VPS13B: variants seen among roughly 807,000 people sequenced by gnomAD.
The protein encoded by VPS13B is vacuolar protein sorting 13 homolog B, also known as intermembrane lipid transfer protein VPS13B.
In VPS13B, 285 loss-of-function variants were observed where a neutral mutation model predicts 426.4. The observed-to-expected ratio is 0.67, with a 90% CI of 0.61 to 0.74. The LOEUF (loss-of-function observed/expected upper bound fraction) is 0.74, where lower values mean the gene tolerates loss of function less well. Among genes scored for constraint, VPS13B ranks in the 30% least tolerant of loss-of-function variants. The probability of loss-of-function intolerance (pLI) is 0.00; values close to 1 mark genes in which losing one functional copy is unlikely to be tolerated. For synonymous variants in VPS13B, 1,676 were observed against 1,676.4 expected, an observed-to-expected ratio of 1.00 and a Z score of 0.01; for missense variants, 4,537 against 4,782.6, an observed-to-expected ratio of 0.95 and a Z score of 1.51.
chr8:99,806,845 A>T lies in VPS13B; in HGVS notation c.7942-2530A>T, dbSNP rs891734026. ...TCTCACGTTAGCTAGGTGTCTGTGC[A>T]TATCTGAGCACTCACTGCCATCCAG... is the stretch of plus-strand genomic sequence containing the variant. On this transcript the variant is annotated intron_variant, in intron 43 of 61. Transcript: ENST00000357162. Among the ~76,000 whole-genome samples, 3 of 152,218 alleles carry T rather than the reference A, an allele frequency of 2.0e-5. No individual in the cohort carries two copies. The East Asian group carries it at 5.8e-4, about 29-fold the overall frequency.
chr8:99,155,042 G>A (rs1420846858), intron 14 of VPS13B, among the ~76,000 whole-genome samples: 1 of 151,792 alleles, frequency 6.6e-6, no homozygotes, highest in African/African-American at 2.4e-5. Flanking sequence ...AGACAAAAAG[G>A]TGGAAGATTT....
At position 99,721,217 on chromosome 8, in the gene VPS13B, A is replaced by T. The variant is rs1018677448; in HGVS notation, c.7050+170A>T. ...CCACACACATATATAATGGGATTTT[A>T]AAAAATAAGGTAATAATGTAATCCA... On this transcript the variant is annotated intron_variant, in intron 39 of 61. Transcript: ENST00000357162. 4.6e-5 allele frequency among the ~76,000 whole-genome samples: 7 copies of T among 152,308 alleles called. No homozygotes were observed. The East Asian group carries it at 5.8e-4, about 13-fold the overall frequency.
chr8:99,471,749 C>CT (rs1386795007), intron 24 of VPS13B, among the ~76,000 whole-genome samples: 3 of 152,036 alleles, frequency 2.0e-5, no homozygotes, highest in Non-Finnish European at 4.4e-5. Context: ...GCCCACACTC[C>CT]TTTTTTACAT....
chr8:99,234,009 C>T (rs1489323382), intron 17 of VPS13B: 2 of 774,990 alleles, frequency 2.6e-6, no homozygotes, highest in East Asian at 2.4e-5. Flanking sequence ...ATGGTCAAGC[C>T]CTCCTTTCAG....
chr8:99,156,926 A>G (rs1705969640), intron 15 of VPS13B, among the ~76,000 whole-genome samples, 183 bp downstream of exon 15: 1 of 152,228 alleles, frequency 6.6e-6, no homozygotes, highest in African/African-American at 2.4e-5. Flanking sequence ...TACTTATTTT[A>G]AAGATTTTTC....
chr8:99,653,142 T>C (rs1025485352), intron 34 of VPS13B, among the ~76,000 whole-genome samples: 3 of 152,182 alleles, frequency 2.0e-5, no homozygotes, highest in Non-Finnish European at 4.4e-5. Flanking sequence ...TGTTAGTCAA[T>C]TAATGGTTAA....
intron 16 of VPS13B, among the ~76,000 whole-genome samples, chr8:99,183,504 G>A (rs1813059457): frequency 6.6e-6 from 1 of 152,128 alleles, no homozygotes; most frequent in Admixed American, 6.5e-5. Context: ...CTTTTGGTAT[G>A]TTAGATATTA....
intron 34 of VPS13B, among the ~76,000 whole-genome samples, chr8:99,659,140 CCTAT>C (rs1456085718): frequency 6.6e-6 from 1 of 151,874 alleles, no homozygotes; most frequent in African/African-American, 2.4e-5. Context: ...TTAGTCTTAG[CCTAT>C]CTGATAGGTG....
At chr8:99,055,467 A>G (rs1843799399) in intron 3 of VPS13B, among the ~76,000 whole-genome samples, 1 of 152,180 alleles carries the variant, frequency 6.6e-6, no homozygotes, top group Non-Finnish European at 1.5e-5. Context: ...GAATCTGTCA[A>G]TTGCTTGGTA....
intron 13 of VPS13B, among the ~76,000 whole-genome samples, chr8:99,144,127 G>A (rs1810574114): frequency 6.6e-6 from 1 of 152,040 alleles, no homozygotes. Flanking sequence ...AAGATAAAAA[G>A]CACCTAGGTC....
At chr8:99,363,176 G>C (rs1025154971) in intron 19 of VPS13B, among the ~76,000 whole-genome samples, 11 of 152,102 alleles carry the variant, frequency 7.2e-5, no homozygotes, top group African/African-American at 2.7e-4. Flanking sequence ...TTTGATTTTT[G>C]CATATGGCAA....
intron 5 of VPS13B, among the ~76,000 whole-genome samples, chr8:99,106,609 T>G (rs1847063793): frequency 6.6e-6 from 1 of 152,142 alleles, no homozygotes; most frequent in Non-Finnish European, 1.5e-5. Context: ...CTGCCCCTTC[T>G]TTCCCCAAAG....
chr8:99,402,057 A>C (rs565712246), intron 21 of VPS13B, among the ~76,000 whole-genome samples: 1 of 152,240 alleles, frequency 6.6e-6, no homozygotes, highest in African/African-American at 2.4e-5. Flanking sequence ...ATTATCTGAA[A>C]GTTTAGCATT....
chr8:99,059,301 C>A (rs1205092274), intron 3 of VPS13B, among the ~76,000 whole-genome samples: 1 of 152,126 alleles, frequency 6.6e-6, no homozygotes, highest in Non-Finnish European at 1.5e-5. Context: ...CAATGCCCGG[C>A]TAATTTTTGT....
intron 39 of VPS13B, among the ~76,000 whole-genome samples, chr8:99,759,251 A>G (rs1810798841): frequency 1.3e-5 from 2 of 151,954 alleles, no homozygotes; most frequent in Non-Finnish European, 2.9e-5. Context: ...ATCATCCACA[A>G]CTGCTGTGAC....
chr8:99,325,313 T>C (rs1459402220), intron 19 of VPS13B, among the ~76,000 whole-genome samples: 1 of 152,194 alleles, frequency 6.6e-6, no homozygotes, highest in Non-Finnish European at 1.5e-5. Flanking sequence ...GACTAACTTC[T>C]CACCGTCAAT....
intron 58 of VPS13B, chr8:99,867,969 A>T (rs1817189969): frequency 2.7e-6 from 1 of 366,054 alleles, no homozygotes; most frequent in African/African-American, 2.1e-5. Context: ...CTCTCTCTCA[A>T]CTTTGTTGCC....
At position 99,589,326 on chromosome 8, in the gene VPS13B, G is replaced by C. The variant is rs181683092; in HGVS notation, c.5220+11693G>C. ...CCCATTAACTCGTCATTTAGCATTAGGTATATCTCCTAATGCTATCCCTCC... is the reference window on the plus strand; with the variant it reads ...CCCATTAACTCGTCATTTAGCATTACGTATATCTCCTAATGCTATCCCTCC... On this transcript the variant is annotated intron_variant, in intron 33 of 61. Coordinates refer to ENST00000357162, the MANE Select transcript of VPS13B (RefSeq NM_152564.5). Among the ~76,000 whole-genome samples, 61 of 151,654 alleles carry C rather than the reference G, an allele frequency of 4.0e-4. 2 individuals carry two copies. Among genetic ancestry groups the C allele is most frequent in the Middle Eastern group, 3.4e-3 (1 of 294 alleles).
chr8:99,483,596 T>C lies in VPS13B; in HGVS notation c.3870+1794T>C, dbSNP rs571871125. On this transcript the variant is annotated intron_variant, in intron 25 of 61. Transcript: ENST00000357162. ...AAGGTAATCAGTTGCTAGACAAAGA[T>C]AATACAAGTGAAAATGATAAATACA... 1.1e-4 allele frequency among the ~76,000 whole-genome samples: 17 copies of C among 152,250 alleles called. No individual in the cohort carries two copies. In the South Asian group the frequency reaches 3.3e-3, roughly 30 times the overall value.
Sources: gnomAD v4.1 joint callset for allele counts (sites outside exome capture counted in the v4.1 genomes callset) on GRCh38, gnomAD v4.1.1 for gene constraint, MANE v1.5 for transcripts, NCBI Gene and HGNC (gene_info 2026-07-23, HGNC 2026-07-21) for gene names.